The following GRM3 variants were observed in gnomAD, a reference collection of about 807,000 sequenced individuals.
The protein encoded by GRM3 is metabotropic glutamate receptor 3.
In GRM3, 26 loss-of-function variants were observed where a neutral mutation model predicts 70.5. That is an observed-to-expected ratio of 0.37 (90% CI 0.27 to 0.51). The LOEUF (loss-of-function observed/expected upper bound fraction) is 0.51. GRM3 is among the 20% of genes least tolerant of loss of function. GRM3 has a pLI of 0.93. For missense variants in GRM3, 859 were observed against 1,123.8 expected, an observed-to-expected ratio of 0.76 and a Z score of 3.37; for synonymous variants, 443 against 434.9, an observed-to-expected ratio of 1.02 and a Z score of -0.23.
intron 1 of GRM3, among the ~76,000 whole-genome samples, chr7:86,693,191 G>A (rs938705327): frequency 1.3e-5 from 2 of 152,214 alleles, no homozygotes; most frequent in African/African-American, 4.8e-5. Flanking sequence ...CTTTACCTAT[G>A]TCATCTCATT....
intron 1 of GRM3, among the ~76,000 whole-genome samples, chr7:86,728,466 T>C (rs1355183561): frequency 1.3e-5 from 2 of 152,212 alleles, no homozygotes; most frequent in Non-Finnish European, 2.9e-5. Context: ...TAGGAAACTA[T>C]AGTCAACTCA....
chr7:86,839,452 C>A lies in GRM3; in HGVS notation c.1938C>A (p.Leu646=). The stretch of plus-strand genomic sequence containing the variant: ...CAGTCATCTGTGCATTGCGCCGACT[C>A]GGGCTGGGGAGTTCCTTCGCTATCT... ...PSPVICALRR[L]GLGSSFAICY... The change falls in exon 4 of 6, where the codon CTC becomes CTA. Residue 646 remains leucine (L), a synonymous_variant. Transcript: ENST00000361669. The surrounding 1 kb of genome is among the most constrained non-coding windows in gnomAD (Gnocchi z 4.5). 1 of 1,613,140 alleles carries A rather than the reference C, an allele frequency of 6.2e-7. No homozygotes were observed. Among genetic ancestry groups the A allele is most frequent in the Non-Finnish European group, 8.5e-7 (1 of 1,179,366 alleles).
intron 2 of GRM3, among the ~76,000 whole-genome samples, chr7:86,765,882 G>A (rs1796589373): frequency 6.6e-6 from 1 of 152,072 alleles, no homozygotes; most frequent in Non-Finnish European, 1.5e-5. Context: ...TTATTTATTA[G>A]TTTACAAGTC....
At chr7:86,725,675 T>G (rs551675882) in intron 1 of GRM3, among the ~76,000 whole-genome samples, 65 of 152,248 alleles carry the variant, frequency 4.3e-4, no homozygotes, top group African/African-American at 1.5e-3. Context: ...TTTCTCCTCC[T>G]TTTGGATGGA....
intron 1 of GRM3, among the ~76,000 whole-genome samples, chr7:86,697,519 G>A (rs1235481141): frequency 6.6e-6 from 1 of 152,002 alleles, no homozygotes; most frequent in African/African-American, 2.4e-5. Context: ...AAACAGAGAA[G>A]ACATTTTTTC....
At chr7:86,736,771 G>C (rs150324229) in intron 1 of GRM3, among the ~76,000 whole-genome samples, 34 of 152,254 alleles carry the variant, frequency 2.2e-4, no homozygotes, top group Non-Finnish European at 1.2e-4. Flanking sequence ...TCTTTGTAAA[G>C]AAGGCTAGGA....
At chr7:86,712,787 T>C (rs1017767860) in intron 1 of GRM3, among the ~76,000 whole-genome samples, 1 of 152,086 alleles carries the variant, frequency 6.6e-6, no homozygotes, top group African/African-American at 2.4e-5. Flanking sequence ...TGCAGTTCTA[T>C]CCATGTTGCT....
chr7:86,690,348 T>C (rs185368127), intron 1 of GRM3, among the ~76,000 whole-genome samples: 1 of 152,290 alleles, frequency 6.6e-6, no homozygotes, highest in East Asian at 1.9e-4. Context: ...TTTATCATAA[T>C]ACAATAGATG....
chr7:86,839,682 G>A lies in GRM3; in HGVS notation c.2168G>A (p.Arg723Gln), dbSNP rs1294076381. The A allele has an allele frequency of 1.2e-5, 20 of 1,613,772 alleles. No individual in the cohort carries two copies. The highest frequency in any genetic ancestry group is 1.6e-5 in the Non-Finnish European group (19 of 1,179,882). The change falls in exon 4 of 6, where the codon CGG (arginine) becomes CAG (glutamine). Residue 723 changes from arginine to glutamine, a missense_variant. By Grantham distance (43) the Arg-to-Gln change is conservative. Transcript: ENST00000361669. The surrounding 1 kb of genome is among the most constrained non-coding windows in gnomAD (Gnocchi z 4.5). Reference protein sequence around the residue: ...GTRRYTLAEKRETVILKCNVK... With the variant: ...GTRRYTLAEKQETVILKCNVK... ...AGGAGGTATACCCTTGCAGAGAAGC[G>A]GGAAACAGTCATCCTAAAATGCAAT...
chr7:86,724,568 C>G (rs1795548576), intron 1 of GRM3, among the ~76,000 whole-genome samples: 1 of 152,106 alleles, frequency 6.6e-6, no homozygotes, highest in South Asian at 2.1e-4. Flanking sequence ...GGAAAGTTAT[C>G]CTAAATGAGT....
intron 3 of GRM3, among the ~76,000 whole-genome samples, chr7:86,817,413 TC>T (rs1463681690): frequency 6.6e-6 from 1 of 151,966 alleles, no homozygotes; most frequent in Non-Finnish European, 1.5e-5. Context: ...GAGCTACAAT[TC>T]CAATCTTATT....
intron 4 of GRM3, among the ~76,000 whole-genome samples, chr7:86,842,492 T>C (rs1223109357): frequency 6.6e-6 from 1 of 152,156 alleles, no homozygotes; most frequent in Non-Finnish European, 1.5e-5. Flanking sequence ...CTTTCACTTA[T>C]GAACTTTCAT....
chr7:86,677,000 C>A (rs769205117), intron 1 of GRM3, among the ~76,000 whole-genome samples: 1 of 151,932 alleles, frequency 6.6e-6, no homozygotes, highest in African/African-American at 2.4e-5. Context: ...GCATTCTAAG[C>A]CTCATATAGT....
chr7:86,837,237 T>C (rs1798473963), intron 3 of GRM3, among the ~76,000 whole-genome samples: 1 of 152,184 alleles, frequency 6.6e-6, no homozygotes, highest in African/African-American at 2.4e-5. Flanking sequence ...AGGGCTATTT[T>C]GTAAAATATA....
intron 1 of GRM3, among the ~76,000 whole-genome samples, chr7:86,680,453 C>G (rs977357603): frequency 1.3e-5 from 2 of 152,080 alleles, no homozygotes; most frequent in African/African-American, 4.8e-5. Flanking sequence ...ACAACTAACA[C>G]TACTACCTCT....
intron 3 of GRM3, among the ~76,000 whole-genome samples, chr7:86,803,593 A>T (rs904927837): frequency 6.6e-6 from 1 of 152,214 alleles, no homozygotes; most frequent in African/African-American, 2.4e-5. Context: ...CAAAACTAGG[A>T]AAACCAGAGG....
At chr7:86,670,982 A>G (rs1794156931) in intron 1 of GRM3, among the ~76,000 whole-genome samples, 1 of 152,236 alleles carries the variant, frequency 6.6e-6, no homozygotes, top group Non-Finnish European at 1.5e-5. Flanking sequence ...TTGAAGGTTT[A>G]TCTCAAATGT....
At chr7:86,853,947 C>A (rs779375560) in intron 5 of GRM3, among the ~76,000 whole-genome samples, 1 of 152,062 alleles carries the variant, frequency 6.6e-6, no homozygotes, top group Non-Finnish European at 1.5e-5. Flanking sequence ...GGAAGCCTGT[C>A]CATGTTGGCT....
At chr7:86,836,407 A>G (rs1584272346) in intron 3 of GRM3, among the ~76,000 whole-genome samples, 1 of 152,250 alleles carries the variant, frequency 6.6e-6, no homozygotes, top group Non-Finnish European at 1.5e-5. Flanking sequence ...ACAAGATAAT[A>G]GTATACAGCT....
Sources: gnomAD v4.1 joint callset for allele counts (sites outside exome capture counted in the v4.1 genomes callset) on GRCh38, gnomAD v4.1.1 for gene constraint, Gnocchi (gnomAD v3.1) non-coding constraint, MANE v1.5 for transcripts, NCBI Gene and HGNC (gene_info 2026-07-23, HGNC 2026-07-21) for gene names.